Variants in PTPRT observed in about 807,000 individuals in gnomAD.
PTPRT encodes the protein receptor-type tyrosine-protein phosphatase T.
PTPRT carries 56 observed loss-of-function variants against 176.8 expected under a neutral mutation model. That is an observed-to-expected ratio of 0.32 (90% CI 0.26 to 0.40). The LOEUF is 0.40. PTPRT is among the 10% of genes least tolerant of loss of function. PTPRT has a pLI of 1.00. For synonymous variants in PTPRT, 783 were observed against 739.0 expected (o/e 1.06, Z -0.96); for missense variants, 1,540 against 1,908.2 (o/e 0.81, Z 3.60).
intron 6 of PTPRT, among the ~76,000 whole-genome samples, chr20:42,684,997 G>T (rs147112591): frequency 6.6e-6 from 1 of 152,010 alleles, no homozygotes; most frequent in Non-Finnish European, 1.5e-5. Flanking sequence ...TTTATGGGTG[G>T]GTAGATACCC....
chr20:42,759,511 A>T (rs148034178), intron 5 of PTPRT, among the ~76,000 whole-genome samples: 2 of 152,216 alleles, frequency 1.3e-5, no homozygotes, highest in Non-Finnish European at 2.9e-5. Context: ...GTAGCATAAA[A>T]ATGCACAGAG....
intron 9 of PTPRT, among the ~76,000 whole-genome samples, chr20:42,389,488 G>A (rs1014672508): frequency 6.6e-6 from 1 of 152,152 alleles, no homozygotes; most frequent in Non-Finnish European, 1.5e-5. Context: ...GTGTTGGGAG[G>A]TGGGGCCTAA....
intron 9 of PTPRT, among the ~76,000 whole-genome samples, chr20:42,379,275 C>T (rs1211389472): frequency 6.6e-6 from 1 of 152,178 alleles, no homozygotes; most frequent in African/African-American, 2.4e-5. Context: ...GGGTCAAGCC[C>T]CTTTATTGCA....
At chr20:42,169,570 A>T (rs951311574) in intron 16 of PTPRT, among the ~76,000 whole-genome samples, 2 of 152,116 alleles carry the variant, frequency 1.3e-5, no homozygotes, top group Non-Finnish European at 2.9e-5. Context: ...ACAGTGAGGC[A>T]ACGATGAGGA....
intron 9 of PTPRT, among the ~76,000 whole-genome samples, chr20:42,391,147 AC>A (rs1375066349): frequency 6.6e-6 from 1 of 152,008 alleles, no homozygotes; most frequent in East Asian, 1.9e-4. Flanking sequence ...GTGGCTAGGA[AC>A]TCTTTAAAAT....
At chr20:42,698,283 C>A (rs921272192) in intron 6 of PTPRT, among the ~76,000 whole-genome samples, 1 of 152,132 alleles carries the variant, frequency 6.6e-6, no homozygotes, top group African/African-American at 2.4e-5. Context: ...GCTAAAGTAA[C>A]CAGTTCCTTT....
chr20:42,118,672 T>A (rs1987421423), intron 20 of PTPRT, among the ~76,000 whole-genome samples, 172 bp from the exon 21 acceptor site: 1 of 152,042 alleles, frequency 6.6e-6, no homozygotes, highest in Admixed American at 6.5e-5. Flanking sequence ...GTGAGCCTGA[T>A]GGGGACAGAT....
intron 7 of PTPRT, among the ~76,000 whole-genome samples, chr20:42,578,383 G>A (rs913981617): frequency 6.6e-6 from 1 of 152,174 alleles, no homozygotes; most frequent in Non-Finnish European, 1.5e-5. Context: ...GAGGGTCACA[G>A]AACTAATCAT....
rs116765652 is a variant in PTPRT, at chr20:43,138,995, T to A, written c.88+50651A>T. On this transcript the variant is annotated intron_variant, in intron 1 of 30. Coordinates refer to ENST00000373187, the MANE Select transcript of PTPRT (RefSeq NM_007050.6). Reference sequence around the variant, plus strand: ...ACAGGCTTCAGATCAGATATTCAAGTTCCTTCCACCTTGAGAAACACTGCA... The same window carrying A: ...ACAGGCTTCAGATCAGATATTCAAGATCCTTCCACCTTGAGAAACACTGCA... 4.5e-3 allele frequency among the ~76,000 whole-genome samples: 681 copies of A among 152,304 alleles called. 9 individuals carry two copies. Among genetic ancestry groups the A allele is most frequent in the African/African-American group, 0.016 (656 of 41,564 alleles).
At chr20:42,494,939 T>C (rs1235750202) in intron 7 of PTPRT, among the ~76,000 whole-genome samples, 1 of 152,184 alleles carries the variant, frequency 6.6e-6, no homozygotes, top group African/African-American at 2.4e-5. Context: ...TCTAGAAACC[T>C]TTCCTGTTTC....
chr20:42,644,426 T>A (rs1364889756), intron 7 of PTPRT, among the ~76,000 whole-genome samples: 1 of 152,144 alleles, frequency 6.6e-6, no homozygotes, highest in Non-Finnish European at 1.5e-5. Flanking sequence ...CTGATCTTCA[T>A]GTTTCCAAAG....
At chr20:43,091,466 T>C (rs1313347532) in intron 1 of PTPRT, among the ~76,000 whole-genome samples, 2 of 136,222 alleles carry the variant, frequency 1.5e-5, no homozygotes, top group East Asian at 4.2e-4. Context: ...CTCTCCCCCC[T>C]CTCTTTCTCT....
intron 9 of PTPRT, among the ~76,000 whole-genome samples, chr20:42,404,135 G>T (rs1034964351): frequency 1.3e-5 from 2 of 152,160 alleles, no homozygotes; most frequent in Non-Finnish European, 2.9e-5. Context: ...CTTCTCCTGG[G>T]CACACAGTTG....
rs371552089 is a variant in PTPRT at position 42,677,939 on chromosome 20, C to G, written c.1080G>C (p.Val360=). The G allele has an allele frequency of 6.8e-6, 11 of 1,614,002 alleles. No homozygotes were observed. Among genetic ancestry groups the G allele is most frequent in the African/African-American group, 1.3e-5 (1 of 74,898 alleles). The change falls in exon 7 of 31, where the codon GTG becomes GTC. Residue 360 remains valine, a synonymous_variant. Coordinates refer to ENST00000373187, the MANE Select transcript of PTPRT (RefSeq NM_007050.6). The part of the protein sequence containing the change: ...LDPDVEYEIR[V]LLTRPGEGGT... ...CCCCCTCACCTGGTCGTGTGAGGAG[C>G]ACTCGGATCTCATACTCAACATCGG...
intron 2 of PTPRT, among the ~76,000 whole-genome samples, chr20:42,804,718 C>T (rs1019333331): frequency 2.0e-5 from 3 of 152,198 alleles, no homozygotes; most frequent in African/African-American, 4.8e-5. Flanking sequence ...CTGTTCCATG[C>T]CCTCCCCTAG....
intron 1 of PTPRT, among the ~76,000 whole-genome samples, chr20:42,913,494 G>C (rs1401568394): frequency 2.0e-5 from 3 of 151,914 alleles, no homozygotes; most frequent in Non-Finnish European, 4.4e-5. Context: ...CAATCATACT[G>C]TATCAGGGTC....
rs1002064211 is a variant in PTPRT at position 43,067,768 on chromosome 20, C to A, written c.88+121878G>T. Among the ~76,000 whole-genome samples the A allele has an allele frequency of 2.9e-4, 43 of 150,844 alleles. 1 individual carries two copies. The highest frequency in any genetic ancestry group is 1.0e-3 in the African/African-American group (41 of 40,954). ...CTTGAGCCCAGGAGTTCAAGACCAG[C>A]CTGGGCAACAGAGGGAAACCCCCAT... On this transcript the variant is annotated intron_variant, in intron 1 of 30. Transcript: ENST00000373187.
chr20:42,146,227 A>C (rs1013749031), intron 17 of PTPRT, among the ~76,000 whole-genome samples: 4 of 152,114 alleles, frequency 2.6e-5, no homozygotes, highest in Non-Finnish European at 4.4e-5. Context: ...TGCTGCTCTC[A>C]GTGGTAGCAC....
chr20:42,742,951 G>T (rs542386364), intron 6 of PTPRT, among the ~76,000 whole-genome samples: 8 of 152,162 alleles, frequency 5.3e-5, no homozygotes, highest in Admixed American at 1.3e-4. Flanking sequence ...CTTACGAAGG[G>T]CCTTTCCAAT....
Sources: allele counts gnomAD v4.1 joint callset (sites outside exome capture counted in the v4.1 genomes callset), GRCh38; gene constraint gnomAD v4.1.1; transcripts MANE v1.5; gene names NCBI Gene and HGNC (gene_info 2026-07-23, HGNC 2026-07-21).